NDUFA10: variants seen among roughly 807,000 people sequenced by gnomAD.
NDUFA10 encodes the protein NADH dehydrogenase [ubiquinone] 1 alpha subcomplex subunit 10, mitochondrial.
A neutral mutation model predicts 47.8 loss-of-function variants in NDUFA10; 40 were observed. The ratio of observed to expected loss-of-function variants is 0.84; its 90% CI spans 0.65 to 1.09. NDUFA10 has a LOEUF of 1.09. Ranked by LOEUF, NDUFA10 falls within the 50% of genes least tolerant of loss-of-function variation. NDUFA10 has a pLI of 0.00. For synonymous variants in NDUFA10, 183 were observed against 172.2 expected (o/e 1.06, Z -0.49); for missense variants, 413 against 451.1 (o/e 0.92, Z 0.76).
At position 240,021,316 on chromosome 2, in the gene NDUFA10, A is replaced by C; in HGVS notation, c.341T>G (p.Leu114Trp). Residue 114 changes from leucine to tryptophan, a missense_variant, in exon 3 of 10, where the codon TTG becomes TGG. By Grantham distance (61) the Leu-to-Trp change is moderately conservative. Transcript: ENST00000252711. ...LATDYNGNCSLEKFYDDPRSN... is the reference protein window; with the variant it reads ...LATDYNGNCSWEKFYDDPRSN... ...TCTCGGATCATCGTAAAATTTCTCCAAACTACAGTTGCCATTATAGTCGGT... is the reference window on the plus strand; with the variant it reads ...TCTCGGATCATCGTAAAATTTCTCCCAACTACAGTTGCCATTATAGTCGGT... 2 of 1,614,192 alleles carry C rather than the reference A, an allele frequency of 1.2e-6. No homozygotes were observed. Among genetic ancestry groups the C allele is most frequent in the South Asian group, 1.1e-5 (1 of 91,080 alleles).
At chr2:239,967,411 T>C (rs944376205) in intron 9 of NDUFA10, among the ~76,000 whole-genome samples, 1 of 152,160 alleles carries the variant, frequency 6.6e-6, no homozygotes, top group Non-Finnish European at 1.5e-5. Context: ...TGGCTGGTGG[T>C]GCTTTCACAC....
intron 4 of NDUFA10, among the ~76,000 whole-genome samples, chr2:239,944,525 G>A (rs943192294): frequency 9.2e-5 from 14 of 152,196 alleles, no homozygotes; most frequent in African/African-American, 9.7e-5. Flanking sequence ...AATTCAGGCC[G>A]GGTCTGGACA....
Position 239,960,348 on chromosome 2 carries a change from G to C in NDUFA10, c.*770C>G. On this transcript the variant is annotated 3_prime_UTR_variant, in exon 10 of 10. Transcript: ENST00000252711. ...ATTTTCTTTCTCATTTCTCAGTTTT[G>C]ACTGGCAACTTGATTTTCTGGGTAA... The C allele has an allele frequency of 1.0e-6, 1 of 985,480 alleles. No individual in the cohort carries two copies. Among genetic ancestry groups the C allele is most frequent in the Non-Finnish European group, 1.2e-6 (1 of 830,002 alleles). The allele number at this position is 985,480 out of a possible 1,614,324, so 61.0% of individuals were successfully genotyped here. A position where few individuals can be genotyped will look rare whatever the true frequency, so the allele number is the denominator to read the frequency against.
chr2:239,988,553 C>G (rs989295282), intron 9 of NDUFA10, among the ~76,000 whole-genome samples: 1 of 152,156 alleles, frequency 6.6e-6, no homozygotes, highest in Non-Finnish European at 1.5e-5. Context: ...AGGGCAGAGA[C>G]TAAACCCAAG....
chr2:239,907,069 C>A (rs1693667846), intron 4 of NDUFA10, among the ~76,000 whole-genome samples: 1 of 152,118 alleles, frequency 6.6e-6, no homozygotes, highest in Admixed American at 6.5e-5. Context: ...AGATATAGAC[C>A]AATGGAACAG....
chr2:239,979,516 G>C (rs1695683651), intron 9 of NDUFA10, among the ~76,000 whole-genome samples: 1 of 152,078 alleles, frequency 6.6e-6, no homozygotes, highest in Non-Finnish European at 1.5e-5. Context: ...GCTTAATTTT[G>C]AAAACCTAAA....
intron 8 of NDUFA10, among the ~76,000 whole-genome samples, chr2:240,002,068 G>A (rs376651445): frequency 1.2e-4 from 18 of 152,192 alleles, no homozygotes; most frequent in South Asian, 6.2e-4. Flanking sequence ...AGTGGCTCCC[G>A]CCTGTAATCC....
chr2:239,995,247 C>A (rs868045166), intron 8 of NDUFA10, among the ~76,000 whole-genome samples: 2 of 151,464 alleles, frequency 1.3e-5, no homozygotes, highest in Non-Finnish European at 2.9e-5. Flanking sequence ...GCAGCCTGGG[C>A]GATGGGCAAC....
intron 4 of NDUFA10, among the ~76,000 whole-genome samples, chr2:239,915,611 CACAT>C (rs1226844585): frequency 2.0e-5 from 3 of 150,904 alleles, no homozygotes; most frequent in Non-Finnish European, 2.9e-5. Flanking sequence ...CACACACACA[CACAT>C]ACACAGACAC....
intron 5 of NDUFA10, chr2:240,012,977 T>C (rs1697198715): frequency 2.0e-5 from 3 of 152,202 alleles, no homozygotes. Context: ...GTGATATGAT[T>C]CTAAATCTCT....
intron 4 of NDUFA10, among the ~76,000 whole-genome samples, chr2:239,941,403 C>T (rs1434941121): frequency 1.3e-5 from 2 of 152,144 alleles, no homozygotes; most frequent in East Asian, 1.9e-4. Context: ...GTTCCACCCT[C>T]GGTGTCAGAG....
At position 240,025,279 on chromosome 2, in the gene NDUFA10, A is replaced by G. The variant is rs1179622538; in HGVS notation, c.23T>C (p.Leu8Pro). Residue 8 changes from leucine to proline, a missense_variant, in exon 1 of 10, where the codon CTG becomes CCG. By Grantham distance (98) the Leu-to-Pro change is moderately conservative (BLOSUM62 -3). Transcript: ENST00000252711. ...CCGGGCGGACGCGGACGTCGCTGCC[A>G]GCTTCAGGAGCCGCAAGGCCATGGC... is the stretch of plus-strand genomic sequence containing the variant. MALRLLKLAATSASARVV... is the reference protein window; with the variant it reads MALRLLKPAATSASARVV... The G allele has an allele frequency of 2.7e-6, 4 of 1,494,344 alleles. No homozygotes were observed. The highest frequency in any genetic ancestry group is 2.9e-5 in the African/African-American group (2 of 68,350). The allele number at this position is 1,494,344 out of a possible 1,614,324, so 92.6% of individuals were successfully genotyped here.
downstream of NDUFA10, among the ~76,000 whole-genome samples, chr2:239,956,546 T>G (rs181259596): frequency 1.3e-5 from 2 of 152,330 alleles, no homozygotes; most frequent in African/African-American, 4.8e-5. Context: ...CCTCCCGTGC[T>G]TGGAGGACTG....
chr2:239,896,947 A>G (rs1195271356), intron 4 of NDUFA10, among the ~76,000 whole-genome samples: 1 of 152,258 alleles, frequency 6.6e-6, no homozygotes, highest in African/African-American at 2.4e-5. Flanking sequence ...TATAACAGAA[A>G]GAAGGAAAAT....
chr2:239,897,294 A>C (rs1343881253), intron 4 of NDUFA10, among the ~76,000 whole-genome samples: 1 of 152,258 alleles, frequency 6.6e-6, no homozygotes, highest in Non-Finnish European at 1.5e-5. Flanking sequence ...GTAAAAATTC[A>C]AGAAAAATCC....
intron 4 of NDUFA10, among the ~76,000 whole-genome samples, chr2:239,915,557 TAC>T (rs1393242551): frequency 9.2e-6 from 1 of 109,206 alleles, no homozygotes; most frequent in Non-Finnish European, 1.8e-5. Flanking sequence ...AACACACACA[TAC>T]ACAGACACAA....
At chr2:240,013,926 AC>A (rs764733657) in intron 5 of NDUFA10, 2 of 152,286 alleles carry the variant, frequency 1.3e-5, no homozygotes, top group Non-Finnish European at 2.9e-5. Context: ...TACTAAAAAT[AC>A]AAAAAAATTA....
chr2:239,931,018 G>A (rs980996337), intron 4 of NDUFA10, among the ~76,000 whole-genome samples: 3 of 152,170 alleles, frequency 2.0e-5, no homozygotes, highest in Admixed American at 1.3e-4. Flanking sequence ...GCCCTGTGGA[G>A]AATGGCGTTT....
intron 8 of NDUFA10, among the ~76,000 whole-genome samples, chr2:239,999,242 A>G (rs954736172): frequency 1.3e-5 from 2 of 152,168 alleles, no homozygotes; most frequent in Admixed American, 1.3e-4. Flanking sequence ...TCACGTAGGG[A>G]TGCACGTTTT....
Sources: allele counts gnomAD v4.1 joint callset (sites outside exome capture counted in the v4.1 genomes callset), GRCh38; gene constraint gnomAD v4.1.1; transcripts MANE v1.5; gene names NCBI Gene and HGNC (gene_info 2026-07-23, HGNC 2026-07-21).